Variants in CHST9 observed in about 807,000 individuals in gnomAD.
CHST9 encodes the protein GalNAc-4-sulfotransferase 2.
In CHST9, 41 loss-of-function variants were observed where a neutral mutation model predicts 44.4. The ratio of observed to expected loss-of-function variants is 0.92; its 90% CI spans 0.72 to 1.20. CHST9 has a LOEUF of 1.20. Among genes scored for constraint, CHST9 ranks in the 50% most tolerant of loss-of-function variants. The pLI is 0.00. For missense variants in CHST9, 504 were observed against 516.5 expected (o/e 0.98, Z 0.23); for synonymous variants, 171 against 178.4 (o/e 0.96, Z 0.33).
intron 3 of CHST9, among the ~76,000 whole-genome samples, chr18:27,026,006 C>T (rs2057281198): frequency 6.6e-6 from 1 of 152,108 alleles, no homozygotes; most frequent in African/African-American, 2.4e-5. Context: ...TGGTAAGTTG[C>T]TTATTGATTG....
intron 3 of CHST9, among the ~76,000 whole-genome samples, chr18:27,047,371 C>CTTTCT (rs2057513700): frequency 7.1e-6 from 1 of 140,440 alleles, no homozygotes; most frequent in Non-Finnish European, 1.5e-5. Context: ...GACTCAGACA[C>CTTTCT]TTTCTTGCCT....
chr18:26,931,194 T>C (rs960530330), intron 5 of CHST9, among the ~76,000 whole-genome samples: 7 of 152,206 alleles, frequency 4.6e-5, no homozygotes. Flanking sequence ...CCTTAGATGC[T>C]GTATCATTAC....
chr18:27,060,552 A>G (rs2057709880), intron 2 of CHST9, among the ~76,000 whole-genome samples: 1 of 152,178 alleles, frequency 6.6e-6, no homozygotes, highest in Non-Finnish European at 1.5e-5. Context: ...AGATGCAGTC[A>G]CTGAGAGCTA....
intron 1 of CHST9, among the ~76,000 whole-genome samples, chr18:27,162,365 T>C (rs371460861): frequency 6.6e-6 from 1 of 152,038 alleles, no homozygotes; most frequent in African/African-American, 2.4e-5. Flanking sequence ...CCTTCACTTA[T>C]GAAGCTTAGT....
At chr18:26,959,800 T>C (rs531494891) in intron 4 of CHST9, among the ~76,000 whole-genome samples, 187 of 152,126 alleles carry the variant, frequency 1.2e-3, no homozygotes, top group Non-Finnish European at 2.1e-3. Flanking sequence ...GTTGAGGGAG[T>C]CCTTGAATAA....
chr18:27,113,173 A>G (rs1241682676), intron 2 of CHST9, among the ~76,000 whole-genome samples: 1 of 144,318 alleles, frequency 6.9e-6, no homozygotes, highest in African/African-American at 2.6e-5. Flanking sequence ...TGGGTGACAG[A>G]GCTAGACTCC....
intron 2 of CHST9, among the ~76,000 whole-genome samples, chr18:27,116,123 C>T (rs991179208): frequency 1.3e-5 from 2 of 152,084 alleles, no homozygotes; most frequent in African/African-American, 2.4e-5. Context: ...CTTTGAAACA[C>T]AAAGTTTTTT....
At chr18:27,031,070 G>C (rs915520296) in intron 3 of CHST9, among the ~76,000 whole-genome samples, 1 of 152,148 alleles carries the variant, frequency 6.6e-6, no homozygotes, top group African/African-American at 2.4e-5. Context: ...CCCAAGTATG[G>C]TGGGCTTACT....
chr18:26,952,885 T>C (rs901246616), intron 4 of CHST9, among the ~76,000 whole-genome samples: 11 of 152,214 alleles, frequency 7.2e-5, no homozygotes, highest in Middle Eastern at 3.4e-3. Flanking sequence ...AGTGTTTTCA[T>C]AGAGTTATGG....
chr18:27,029,978 A>G (rs955898200), intron 3 of CHST9, among the ~76,000 whole-genome samples: 22 of 152,234 alleles, frequency 1.4e-4, no homozygotes, highest in African/African-American at 5.3e-4. Context: ...TCCCCTAGAA[A>G]GGATTTTGTA....
chr18:26,959,997 C>T (rs1353104183), intron 4 of CHST9, among the ~76,000 whole-genome samples: 1 of 152,076 alleles, frequency 6.6e-6, no homozygotes, highest in Admixed American at 6.6e-5. Context: ...AGATTTTAAG[C>T]TTGGTTACTT....
intron 5 of CHST9, among the ~76,000 whole-genome samples, chr18:26,917,652 G>A (rs1210010916): frequency 1.3e-5 from 2 of 152,078 alleles, no homozygotes; most frequent in Admixed American, 1.3e-4. Context: ...TGACTTTTGG[G>A]ATATTAATAA....
chr18:27,094,192 A>G (rs1451512654), intron 2 of CHST9, among the ~76,000 whole-genome samples: 1 of 152,230 alleles, frequency 6.6e-6, no homozygotes, highest in Non-Finnish European at 1.5e-5. Flanking sequence ...TGGGGGAATC[A>G]TAATCATAAA....
intron 2 of CHST9, among the ~76,000 whole-genome samples, chr18:27,058,237 T>C (rs1439761224): frequency 6.6e-6 from 1 of 152,222 alleles, no homozygotes; most frequent in African/African-American, 2.4e-5. Context: ...AACGTGTTTC[T>C]AGTAAGTTAG....
chr18:27,182,099 T>G (rs760626142), intron 1 of CHST9, among the ~76,000 whole-genome samples: 2 of 150,236 alleles, frequency 1.3e-5, no homozygotes, highest in African/African-American at 5.0e-5. Context: ...TAAATAACCA[T>G]GATTTTACAT....
intron 3 of CHST9, among the ~76,000 whole-genome samples, chr18:27,038,010 T>C (rs561864338): frequency 6.6e-6 from 1 of 152,226 alleles, no homozygotes; most frequent in African/African-American, 2.4e-5. Flanking sequence ...AGGACATTAC[T>C]GGTACTTTAA....
chr18:27,158,985 G>T (rs954681774), intron 1 of CHST9, among the ~76,000 whole-genome samples: 10 of 152,246 alleles, frequency 6.6e-5, no homozygotes, highest in Admixed American at 6.5e-4. Context: ...ATTTGTTTGA[G>T]TTCTTTGTAG....
At chr18:27,062,404 A>G (rs185434280) in intron 2 of CHST9, among the ~76,000 whole-genome samples, 4 of 151,998 alleles carry the variant, frequency 2.6e-5, no homozygotes, top group Admixed American at 2.6e-4. Flanking sequence ...GAGTGAGAAC[A>G]CGTGGTGTTT....
At chr18:26,967,137 G>C (rs1196073260) in intron 4 of CHST9, among the ~76,000 whole-genome samples, 3 of 152,092 alleles carry the variant, frequency 2.0e-5, no homozygotes, top group African/African-American at 7.2e-5. Flanking sequence ...CCAATACTGA[G>C]AGAGTGTAAG....
Sources: allele counts gnomAD v4.1 joint callset (sites outside exome capture counted in the v4.1 genomes callset), GRCh38; gene constraint gnomAD v4.1.1; transcripts MANE v1.5; gene names NCBI Gene and HGNC (gene_info 2026-07-23, HGNC 2026-07-21).